Variants in TBC1D32 observed in about 807,000 individuals in gnomAD.
TBC1D32 encodes the protein protein broad-minded.
A neutral mutation model predicts 170.3 loss-of-function variants in TBC1D32; 151 were observed. That is an observed-to-expected ratio of 0.89 (90% confidence interval 0.78 to 1.01). The LOEUF (loss-of-function observed/expected upper bound fraction) is 1.01, where lower values mean the gene tolerates loss of function less well. Ranked by LOEUF, TBC1D32 falls within the 50% of genes least tolerant of loss-of-function variation. The pLI is 0.00. For synonymous variants in TBC1D32, 498 were observed against 488.0 expected, an observed-to-expected ratio of 1.02 and a Z score of -0.27; for missense variants, 1,464 against 1,457.1, an observed-to-expected ratio of 1.00 and a Z score of -0.08.
At chr6:121,288,806 C>T (rs59846393) in intron 12 of TBC1D32, among the ~76,000 whole-genome samples, 3,356 of 148,976 alleles carry the variant, frequency 0.023, 90 homozygotes, top group East Asian at 0.064. Context: ...TTATCCACCA[C>T]AATCAAGTGG....
chr6:121,130,396 C>T (rs1272901126), intron 25 of TBC1D32, among the ~76,000 whole-genome samples: 4 of 152,042 alleles, frequency 2.6e-5, no homozygotes, highest in Non-Finnish European at 5.9e-5. Flanking sequence ...GCAGGAGAAT[C>T]GCCTGAACCC....
intron 15 of TBC1D32, among the ~76,000 whole-genome samples, chr6:121,258,112 T>A (rs975927308): frequency 6.6e-6 from 1 of 152,178 alleles, no homozygotes; most frequent in Non-Finnish European, 1.5e-5. Context: ...AACTTTATAC[T>A]TTTATCTTTT....
chr6:121,294,202 G>C (rs1805278289), intron 11 of TBC1D32, among the ~76,000 whole-genome samples: 1 of 152,090 alleles, frequency 6.6e-6, no homozygotes, highest in Non-Finnish European at 1.5e-5. Context: ...ACATTTTATG[G>C]AAGTTTTTTT....
chr6:121,126,018 G>T (rs142856220), intron 26 of TBC1D32, among the ~76,000 whole-genome samples: 1 of 152,296 alleles, frequency 6.6e-6, no homozygotes, highest in East Asian at 1.9e-4. Flanking sequence ...GTAGATCTTT[G>T]AGTGAACGAT....
At chr6:121,185,812 C>A (rs1789137180) in intron 22 of TBC1D32, among the ~76,000 whole-genome samples, 1 of 152,162 alleles carries the variant, frequency 6.6e-6, no homozygotes, top group South Asian at 2.1e-4. Flanking sequence ...AAGTAAGGCA[C>A]TGAGCAAATA....
chr6:121,105,801 C>A (rs943812607), intron 30 of TBC1D32, among the ~76,000 whole-genome samples: 2 of 152,020 alleles, frequency 1.3e-5, no homozygotes, highest in Admixed American at 1.3e-4. Context: ...GTCATACAGA[C>A]TTTCAGAAGG....
At position 121,088,009 on chromosome 6, in the gene TBC1D32, G is replaced by A. The variant is rs544323433; in HGVS notation, c.3654+2844C>T. Among the ~76,000 whole-genome samples, 211 of 149,542 alleles carry A rather than the reference G, an allele frequency of 1.4e-3. 1 individual carries two copies. The highest frequency in any genetic ancestry group is 4.9e-3 in the African/African-American group (198 of 40,468). On this transcript the variant is annotated intron_variant, in intron 31 of 31. Transcript: ENST00000398212. ...TCTGTAGCCCAGGCTGGAGTGCACT[G>A]GTACAATCATGGCCCACTGCGGCCT...
At chr6:121,135,842 G>C (rs1781994314) in intron 24 of TBC1D32, among the ~76,000 whole-genome samples, 1 of 152,062 alleles carries the variant, frequency 6.6e-6, no homozygotes, top group South Asian at 2.1e-4. Context: ...TCACACCTTG[G>C]TAACAGGTAA....
At chr6:121,198,393 C>G (rs1203163060) in intron 22 of TBC1D32, among the ~76,000 whole-genome samples, 1 of 149,930 alleles carries the variant, frequency 6.7e-6, no homozygotes, top group Non-Finnish European at 1.5e-5. Flanking sequence ...CCAAATGCCA[C>G]ATAAAACTTG....
At chr6:121,171,248 T>TTA (rs1285850960) in intron 22 of TBC1D32, among the ~76,000 whole-genome samples, 6 of 150,960 alleles carry the variant, frequency 4.0e-5, no homozygotes, top group Admixed American at 2.0e-4. Flanking sequence ...CTACACATTA[T>TTA]TATATATATA....
chr6:121,089,131 C>G (rs1174714287), intron 31 of TBC1D32, among the ~76,000 whole-genome samples: 2 of 151,896 alleles, frequency 1.3e-5, no homozygotes, highest in East Asian at 3.9e-4. Flanking sequence ...TTCATCTTTC[C>G]CATTTATTTA....
chr6:121,181,283 G>A (rs1182107873), intron 22 of TBC1D32, among the ~76,000 whole-genome samples: 1 of 152,020 alleles, frequency 6.6e-6, no homozygotes, highest in Admixed American at 6.6e-5. Flanking sequence ...TTTTGGAGGA[G>A]AGCCTGGTGG....
chr6:121,140,975 C>T (rs533708217), intron 24 of TBC1D32, among the ~76,000 whole-genome samples: 48 of 152,028 alleles, frequency 3.2e-4, no homozygotes, highest in Non-Finnish European at 4.6e-4. Context: ...GTGACAGAGT[C>T]GAAGAGAGAG....
At chr6:121,137,816 G>A (rs1782305500) in intron 24 of TBC1D32, among the ~76,000 whole-genome samples, 1 of 151,444 alleles carries the variant, frequency 6.6e-6, no homozygotes, top group South Asian at 2.1e-4. Context: ...TAAATATAAA[G>A]GAAAACATGC....
chr6:121,254,471 T>C (rs1297342176), intron 17 of TBC1D32, among the ~76,000 whole-genome samples: 1 of 152,064 alleles, frequency 6.6e-6, no homozygotes, highest in African/African-American at 2.4e-5. Context: ...AAAAATAAAC[T>C]ATAGAAATGC....
intron 14 of TBC1D32, among the ~76,000 whole-genome samples, chr6:121,279,590 G>A (rs1802712236): frequency 6.6e-6 from 1 of 151,762 alleles, no homozygotes; most frequent in African/African-American, 2.4e-5. Context: ...CTGGGCTCCT[G>A]AGTATCCAAT....
chr6:121,099,724 C>A (rs193173692), intron 30 of TBC1D32, among the ~76,000 whole-genome samples: 1 of 151,774 alleles, frequency 6.6e-6, no homozygotes, highest in Non-Finnish European at 1.5e-5. Context: ...AGCAATGATA[C>A]GATTTCTTAA....
intron 12 of TBC1D32, among the ~76,000 whole-genome samples, chr6:121,285,701 C>A (rs568368103): frequency 3.3e-5 from 5 of 152,280 alleles, no homozygotes; most frequent in South Asian, 2.1e-4. Context: ...TCAAGTGGGT[C>A]CCTGACCCCC....
rs746206034 is a variant in TBC1D32 at position 121,292,107 on chromosome 6, A to G, written c.1318T>C (p.Leu440=). Residue 440 remains leucine (L), a synonymous_variant, in exon 12 of 32, where the codon TTG becomes CTG. Transcript: ENST00000398212. The part of the protein sequence containing the change: ...IHSLCLLGRL[L]IYKQGRKLFP... ...AGTTTTCTGCCTTGTTTATAGATCA[A>G]TAATCTTCCTAAAAGGCACAGTGAG... 5 of 1,602,956 alleles carry G rather than the reference A, an allele frequency of 3.1e-6. No homozygotes were observed. Among genetic ancestry groups the G allele is most frequent in the East Asian group, 4.5e-5 (2 of 44,474 alleles).
Sources: gnomAD v4.1 joint callset for allele counts (sites outside exome capture counted in the v4.1 genomes callset) on GRCh38, gnomAD v4.1.1 for gene constraint, MANE v1.5 for transcripts, NCBI Gene and HGNC (gene_info 2026-07-23, HGNC 2026-07-21) for gene names.